The following RGS6 variants were observed in gnomAD, a reference collection of about 807,000 sequenced individuals.
The protein encoded by RGS6 is regulator of G protein signaling 6.
Under a neutral mutation model 78.5 loss-of-function variants are expected in RGS6, and 30 were observed. That is an observed-to-expected ratio of 0.38 (90% CI 0.29 to 0.52). The LOEUF (loss-of-function observed/expected upper bound fraction) is 0.52. RGS6 is among the 20% of genes least tolerant of loss of function. The pLI is 0.85. For missense variants in RGS6, 495 were observed against 609.7 expected (o/e 0.81, Z 1.98); for synonymous variants, 206 against 206.0 (o/e 1.00, Z 0.00).
At chr14:72,507,016 A>AAAAAAAAAAAAAAAAC (rs2096814019) in intron 13 of RGS6, among the ~76,000 whole-genome samples, 1 of 138,208 alleles carries the variant, frequency 7.2e-6, no homozygotes, top group Non-Finnish European at 1.5e-5. Context: ...AAAAAAAAAA[A>AAAAAAAAAAAAAAAAC]AAATTAGCTG....
intron 14 of RGS6, among the ~76,000 whole-genome samples, chr14:72,511,339 A>G (rs909244730): frequency 6.6e-6 from 1 of 152,260 alleles, no homozygotes; most frequent in Admixed American, 6.5e-5. Context: ...GTTAATGTGC[A>G]ACATCCATGC....
At chr14:72,291,898 C>A (rs1051027853) in intron 2 of RGS6, among the ~76,000 whole-genome samples, 13 of 152,252 alleles carry the variant, frequency 8.5e-5, no homozygotes, top group Admixed American at 3.9e-4. Context: ...AGAGCTGGTC[C>A]CTTTTCAAAA....
At chr14:72,006,854 G>A (rs1386866819) in intron 2 of RGS6, among the ~76,000 whole-genome samples, 2 of 152,150 alleles carry the variant, frequency 1.3e-5, no homozygotes, top group East Asian at 3.8e-4. Flanking sequence ...ACGAGGCAGC[G>A]GGCTGTGGAA....
chr14:72,343,880 A>C (rs537523667), intron 2 of RGS6, among the ~76,000 whole-genome samples: 10 of 152,338 alleles, frequency 6.6e-5, no homozygotes, highest in Admixed American at 5.9e-4. Context: ...TAATTTGAGG[A>C]GATTAGAATA....
At chr14:72,420,654 A>G (rs1597277501) in intron 3 of RGS6, among the ~76,000 whole-genome samples, 1 of 152,316 alleles carries the variant, frequency 6.6e-6, no homozygotes, top group East Asian at 1.9e-4. Context: ...CTGAAGGTCC[A>G]AGAACACTTT....
the RGS6 span, among the ~76,000 whole-genome samples, chr14:72,586,144 A>C: frequency 4.6e-5 from 7 of 152,166 alleles, no homozygotes; most frequent in Admixed American, 4.6e-4. Context: ...CTATCTCTGG[A>C]CTCAGCCTTT....
chr14:72,291,260 A>G (rs762779274), intron 2 of RGS6, among the ~76,000 whole-genome samples: 2 of 151,852 alleles, frequency 1.3e-5, no homozygotes, highest in African/African-American at 4.8e-5. Context: ...CCATAGTTAT[A>G]TGTCCCTCAA....
chr14:72,394,574 A>G (rs1596706367), intron 3 of RGS6, among the ~76,000 whole-genome samples: 4 of 152,292 alleles, frequency 2.6e-5, no homozygotes, highest in African/African-American at 9.6e-5. Flanking sequence ...TATTTCTCCT[A>G]TTTGCTCTTG....
intron 3 of RGS6, among the ~76,000 whole-genome samples, chr14:72,415,148 C>T (rs1159503226): frequency 2.0e-5 from 3 of 152,250 alleles, no homozygotes; most frequent in Non-Finnish European, 2.9e-5. Context: ...GTGGAGGCTG[C>T]AGAGGCAGGC....
At chr14:72,041,178 A>T (rs1175459377) in intron 2 of RGS6, among the ~76,000 whole-genome samples, 1 of 152,132 alleles carries the variant, frequency 6.6e-6, no homozygotes, top group Non-Finnish European at 1.5e-5. Context: ...GGGCATTTGA[A>T]AAACAACTAC....
chr14:72,200,214 A>T (rs961706640), intron 2 of RGS6, among the ~76,000 whole-genome samples: 1 of 152,200 alleles, frequency 6.6e-6, no homozygotes, highest in Non-Finnish European at 1.5e-5. Context: ...TTAAAATAGG[A>T]TGCTAGAAGC....
intron 2 of RGS6, among the ~76,000 whole-genome samples, chr14:72,111,727 G>A (rs2095767585): frequency 1.3e-5 from 2 of 152,206 alleles, no homozygotes; most frequent in South Asian, 4.2e-4. Context: ...TATATATGTG[G>A]CCAGCAGCAT....
chr14:72,018,957 G>GT (rs1261389233), intron 2 of RGS6, among the ~76,000 whole-genome samples: 1 of 152,120 alleles, frequency 6.6e-6, no homozygotes, highest in Non-Finnish European at 1.5e-5. Flanking sequence ...GTGTGAATGT[G>GT]TGTCTTCTCA....
At chr14:72,291,238 G>A (rs1361392878) in intron 2 of RGS6, among the ~76,000 whole-genome samples, 1 of 151,856 alleles carries the variant, frequency 6.6e-6, no homozygotes, top group Non-Finnish European at 1.5e-5. Flanking sequence ...AGCTTCATAG[G>A]CAAGCCACTC....
chr14:72,295,788 A>G (rs1383037016), intron 2 of RGS6, among the ~76,000 whole-genome samples: 1 of 152,246 alleles, frequency 6.6e-6, no homozygotes, highest in Non-Finnish European at 1.5e-5. Context: ...GGAAACTGCT[A>G]TTAGCGTTTG....
intron 3 of RGS6, among the ~76,000 whole-genome samples, chr14:72,442,397 A>T (rs17115702): frequency 0.082 from 12,521 of 151,954 alleles, 924 homozygotes; most frequent in African/African-American, 0.17. Context: ...TTTCCCATTG[A>T]TCCCAAGTGT....
At chr14:72,551,834 G>A (rs759933119) in intron 17 of RGS6, among the ~76,000 whole-genome samples, 8 of 152,216 alleles carry the variant, frequency 5.3e-5, no homozygotes, top group Non-Finnish European at 1.2e-4. Flanking sequence ...GATGGACTTT[G>A]GTTCTACTTC....
intron 3 of RGS6, among the ~76,000 whole-genome samples, chr14:72,403,968 C>A (rs1257196057): frequency 1.3e-5 from 2 of 152,244 alleles, no homozygotes; most frequent in African/African-American, 2.4e-5. Context: ...TCTCAGGTTT[C>A]TTGATTTCAG....
At chr14:72,534,443 T>C (rs2097219941) in intron 15 of RGS6, among the ~76,000 whole-genome samples, 1 of 152,198 alleles carries the variant, frequency 6.6e-6, no homozygotes, top group African/African-American at 2.4e-5. Context: ...TGAAGACAAG[T>C]GGTATTTTGT....
Sources: gnomAD v4.1 joint callset for allele counts (sites outside exome capture counted in the v4.1 genomes callset) on GRCh38, gnomAD v4.1.1 for gene constraint, MANE v1.5 for transcripts, NCBI Gene and HGNC (gene_info 2026-07-23, HGNC 2026-07-21) for gene names.